The following MME variants were observed in gnomAD, a reference collection of about 807,000 sequenced individuals.
MME encodes membrane metalloendopeptidase, also known as neprilysin.
Under a neutral mutation model 113.2 loss-of-function variants are expected in MME, and 98 were observed. The observed-to-expected ratio is 0.87, with a 90% confidence interval of 0.74 to 1.02. The LOEUF (loss-of-function observed/expected upper bound fraction) is 1.02. MME is among the 50% of genes least tolerant of loss of function. The pLI is 0.00. For missense variants in MME, 836 were observed against 896.0 expected (o/e 0.93, Z 0.86); for synonymous variants, 292 against 300.6 (o/e 0.97, Z 0.30).
rs757329690 is a variant in MME, at chr3:155,142,290, T to G, written c.1148T>G (p.Leu383Arg). ...WRFIMDLVSS[L>R]SRTYKESRNA... is the part of the protein sequence containing the mutation. Reference sequence around the variant, plus strand: ...TTCATAATGGATCTTGTAAGCAGCCTCAGCCGAACCTACAAGGAGTCCAGA... The same window carrying G: ...TTCATAATGGATCTTGTAAGCAGCCGCAGCCGAACCTACAAGGAGTCCAGA... Residue 383 changes from leucine (L) to arginine (R), a missense_variant, in exon 12 of 23, where the codon CTC becomes CGC. Coordinates refer to ENST00000360490, the MANE Select transcript of MME (RefSeq NM_007289.4). The G allele has an allele frequency of 3.7e-6, 6 of 1,613,646 alleles. No homozygotes were observed. The highest frequency in any genetic ancestry group is 1.3e-5 in the African/African-American group (1 of 75,014).
chr3:155,107,739 A>G (rs1207313374), intron 3 of MME, among the ~76,000 whole-genome samples: 2 of 152,250 alleles, frequency 1.3e-5, no homozygotes, highest in Non-Finnish European at 2.9e-5. Context: ...GACTGGTGAA[A>G]AAACTTTGAG....
chr3:155,024,798 C>A (rs986130449), intron 1 of MME, among the ~76,000 whole-genome samples: 16 of 152,066 alleles, frequency 1.1e-4, no homozygotes, highest in African/African-American at 2.9e-4. Flanking sequence ...TACTTATGTG[C>A]ACATAAAATT....
At chr3:155,093,207 G>GT (rs879660636) in intron 3 of MME, among the ~76,000 whole-genome samples, 1 of 151,912 alleles carries the variant, frequency 6.6e-6, no homozygotes, top group Non-Finnish European at 1.5e-5. Flanking sequence ...ATTATATGTA[G>GT]TTTTCAATGT....
At chr3:155,078,097 G>T (rs1714825462), upstream of MME, among the ~76,000 whole-genome samples, 1 of 150,814 alleles carries the variant, frequency 6.6e-6, no homozygotes, top group Admixed American at 6.6e-5. Flanking sequence ...AAATTAGCTC[G>T]GTGTGGTGGT....
Position 155,167,038 on chromosome 3 carries a change from A to G in MME, c.1780+17A>G, listed in dbSNP as rs777571058. On this transcript the variant is annotated intron_variant, in intron 18 of 22. Transcript: ENST00000360490. ...ATGACAATGGTAAAGTGCAGTTGACATTTTCCTTTGGCTGAGGTATATGCT... is the reference window on the plus strand; with the variant it reads ...ATGACAATGGTAAAGTGCAGTTGACGTTTTCCTTTGGCTGAGGTATATGCT... 6.2e-6 allele frequency: 10 copies of G among 1,613,182 alleles called. No individual in the cohort carries two copies. Among genetic ancestry groups the G allele is most frequent in the East Asian group, 2.2e-5 (1 of 44,824 alleles).
At chr3:155,148,074 G>C (rs985274298) in intron 15 of MME, among the ~76,000 whole-genome samples, 16 of 152,256 alleles carry the variant, frequency 1.1e-4, no homozygotes, top group African/African-American at 3.9e-4. Context: ...TTGGTCGAGT[G>C]ACTAAACTAT....
chr3:155,084,920 A>T, intron 2 of MME, 139 bp from the exon 3 acceptor site: 1 of 517,314 alleles, frequency 1.9e-6, no homozygotes. Flanking sequence ...ACCACTGACA[A>T]TGATATATAA....
At chr3:155,140,672 T>C (rs1423931418) in intron 10 of MME, among the ~76,000 whole-genome samples, 1 of 152,032 alleles carries the variant, frequency 6.6e-6, no homozygotes, top group Non-Finnish European at 1.5e-5. Context: ...CCTCCCAAAG[T>C]GTTAGCCACA....
chr3:155,033,684 A>C (rs1413483240), intron 1 of MME, among the ~76,000 whole-genome samples: 1 of 152,150 alleles, frequency 6.6e-6, no homozygotes, highest in African/African-American at 2.4e-5. Context: ...TCAGTTCTTC[A>C]AGGCTGAACT....
At chr3:155,102,879 A>G (rs184775747) in intron 3 of MME, among the ~76,000 whole-genome samples, 2 of 152,260 alleles carry the variant, frequency 1.3e-5, no homozygotes, top group Admixed American at 6.5e-5. Flanking sequence ...TCCCTTCTTC[A>G]GAGGGTAGCC....
At chr3:155,065,334 T>A (rs548983184) in intron 1 of MME, among the ~76,000 whole-genome samples, 20 of 152,312 alleles carry the variant, frequency 1.3e-4, no homozygotes, top group South Asian at 1.0e-3. Context: ...GGGAATATTC[T>A]ATTTATCTCT....
At chr3:155,113,118 G>A (rs1267760306) in intron 3 of MME, among the ~76,000 whole-genome samples, 3 of 152,162 alleles carry the variant, frequency 2.0e-5, no homozygotes, top group Non-Finnish European at 4.4e-5. Context: ...GTGGGATGAG[G>A]AGGTTAAAGC....
chr3:155,041,800 A>G (rs1190064814), intron 1 of MME, among the ~76,000 whole-genome samples: 1 of 152,188 alleles, frequency 6.6e-6, no homozygotes, highest in Non-Finnish European at 1.5e-5. Context: ...CAAAAGATGA[A>G]AACTTTAAAT....
intron 1 of MME, among the ~76,000 whole-genome samples, chr3:155,032,286 A>G (rs1041600869): frequency 6.6e-6 from 1 of 152,214 alleles, no homozygotes; most frequent in African/African-American, 2.4e-5. Context: ...AGTTTTAAAG[A>G]TTACAAATTT....
intron 3 of MME, among the ~76,000 whole-genome samples, chr3:155,112,100 T>C (rs1718239798): frequency 6.6e-6 from 1 of 152,198 alleles, no homozygotes; most frequent in East Asian, 1.9e-4. Context: ...AGTTGGAGTT[T>C]TTACTGGCAA....
intron 1 of MME, among the ~76,000 whole-genome samples, chr3:155,062,862 C>T (rs1264589364): frequency 6.6e-6 from 1 of 150,990 alleles, no homozygotes; most frequent in Non-Finnish European, 1.5e-5. Flanking sequence ...ATGGTGAAAC[C>T]CTGTCTCTAC....
chr3:155,105,268 A>C (rs1474266140), intron 3 of MME, among the ~76,000 whole-genome samples: 1 of 152,230 alleles, frequency 6.6e-6, no homozygotes, highest in Non-Finnish European at 1.5e-5. Context: ...ATGACTATAT[A>C]CATGTTATAG....
chr3:155,166,480 C>T (rs1435614023), intron 17 of MME, among the ~76,000 whole-genome samples: 2 of 152,108 alleles, frequency 1.3e-5, no homozygotes, highest in Non-Finnish European at 2.9e-5. Flanking sequence ...ATTGGTGTTA[C>T]TGAGTAACTA....
At chr3:155,093,014 T>A (rs192214591) in intron 3 of MME, among the ~76,000 whole-genome samples, 15 of 151,596 alleles carry the variant, frequency 9.9e-5, no homozygotes, top group Non-Finnish European at 1.9e-4. Flanking sequence ...ATTAATCGGG[T>A]GAATTTTATG....
Sources: allele counts gnomAD v4.1 joint callset (sites outside exome capture counted in the v4.1 genomes callset), GRCh38; gene constraint gnomAD v4.1.1; transcripts MANE v1.5; gene names NCBI Gene and HGNC (gene_info 2026-07-23, HGNC 2026-07-21).